OR14A2: variants seen among roughly 807,000 people sequenced by gnomAD.
The protein encoded by OR14A2 is olfactory receptor family 14 subfamily A member 2.
For synonymous variants in OR14A2, 114 were observed against 58.6 expected, an observed-to-expected ratio of 1.95 and a Z score of -4.32; for missense variants, 237 against 152.9, an observed-to-expected ratio of 1.55 and a Z score of -2.90.
chr1:247,743,034 G>A, the OR14A2 span, among the ~76,000 whole-genome samples: 1 of 152,182 alleles, frequency 6.6e-6, no homozygotes, highest in East Asian at 1.9e-4. Context: ...AAAATTGATA[G>A]TCGATTCATT....
the OR14A2 span, among the ~76,000 whole-genome samples, chr1:247,743,990 C>T: frequency 0.07 from 10,664 of 151,966 alleles, 419 homozygotes; most frequent in African/African-American, 0.11. Flanking sequence ...TTTTTGCACC[C>T]GGGGTAAAGT....
chr1:247,733,260 G>A, the OR14A2 span, among the ~76,000 whole-genome samples: 1 of 148,228 alleles, frequency 6.7e-6, no homozygotes, highest in Non-Finnish European at 1.5e-5. Flanking sequence ...GACTAAAGAC[G>A]AAAAGTGAAT....
the OR14A2 span, among the ~76,000 whole-genome samples, chr1:247,742,424 T>G: frequency 6.6e-6 from 1 of 150,576 alleles, no homozygotes; most frequent in African/African-American, 2.5e-5. Context: ...GAATGTAATC[T>G]GACATCACAA....
the OR14A2 span, among the ~76,000 whole-genome samples, chr1:247,741,013 A>G: frequency 6.6e-6 from 1 of 152,198 alleles, no homozygotes; most frequent in Non-Finnish European, 1.5e-5. Flanking sequence ...AACTTGGTCC[A>G]TATTAGCTTC....
the OR14A2 span, chr1:247,739,407 C>A: frequency 1.3e-6 from 1 of 780,770 alleles, no homozygotes; most frequent in Non-Finnish European, 2.4e-6. Flanking sequence ...GTCTGATGCA[C>A]CTTCTATTCT....
upstream of OR14A2, among the ~76,000 whole-genome samples, chr1:247,724,572 CTCTAT>C (rs1660287965): frequency 6.6e-6 from 1 of 152,098 alleles, no homozygotes; most frequent in Non-Finnish European, 1.5e-5. Flanking sequence ...AAATAACCTT[CTCTAT>C]TCTAATGATA....
exon 1 of OR14A2, chr1:247,723,963 C>T: frequency 1.4e-6 from 1 of 716,394 alleles, no homozygotes; most frequent in Non-Finnish European, 2.6e-6. Context: ...GTAGGAAGAG[C>T]ACACCATATA....
chr1:247,738,860 C>T, the OR14A2 span: 1 of 780,822 alleles, frequency 1.3e-6, no homozygotes, highest in Non-Finnish European at 2.4e-6. Context: ...CCATCCTCAA[C>T]TCTGTCGCCT....
At chr1:247,739,269 A>C in the OR14A2 span, 3 of 780,642 alleles carry the variant, frequency 3.8e-6, no homozygotes, top group Non-Finnish European at 7.2e-6. Flanking sequence ...CTATGTGTAC[A>C]TTTTCTCTGC....
At chr1:247,747,042 C>G in the OR14A2 span, 2 of 152,182 alleles carry the variant, frequency 1.3e-5, no homozygotes, top group African/African-American at 4.8e-5. Context: ...TACCAAAATA[C>G]AAGCTTTAAT....
upstream of OR14A2, among the ~76,000 whole-genome samples, chr1:247,724,523 A>C (rs948552587): frequency 7.9e-5 from 12 of 152,150 alleles, no homozygotes; most frequent in African/African-American, 2.7e-4. Flanking sequence ...GTAAACATGA[A>C]GTCACACTTA....
upstream of OR14A2, among the ~76,000 whole-genome samples, chr1:247,727,020 T>C (rs1420204144): frequency 6.6e-6 from 1 of 150,678 alleles, no homozygotes; most frequent in Non-Finnish European, 1.5e-5. Flanking sequence ...ATGCGGGCTC[T>C]TTTTTGGTGC....
the OR14A2 span, among the ~76,000 whole-genome samples, chr1:247,747,247 G>A: frequency 6.6e-6 from 1 of 152,092 alleles, no homozygotes; most frequent in Non-Finnish European, 1.5e-5. Context: ...CCAAGCCTAG[G>A]CATCAAAGCC....
upstream of OR14A2, among the ~76,000 whole-genome samples, chr1:247,727,547 G>A (rs2103204976): frequency 6.6e-6 from 1 of 151,552 alleles, no homozygotes; most frequent in East Asian, 1.9e-4. Context: ...TCAAAAGCTA[G>A]CAGAAGGTAA....
chr1:247,725,478 T>G (rs1346048324), upstream of OR14A2, among the ~76,000 whole-genome samples: 1 of 151,256 alleles, frequency 6.6e-6, no homozygotes, highest in African/African-American at 2.4e-5. Context: ...CCTTAATATC[T>G]ACAAGATTTT....
At chr1:247,742,653 A>T in the OR14A2 span, among the ~76,000 whole-genome samples, 6 of 152,244 alleles carry the variant, frequency 3.9e-5, no homozygotes, top group Non-Finnish European at 8.8e-5. Flanking sequence ...ATGACAGAGG[A>T]TAATCAATCA....
At chr1:247,724,376 A>G (rs1343324892), upstream of OR14A2, among the ~76,000 whole-genome samples, 1 of 152,178 alleles carries the variant, frequency 6.6e-6, no homozygotes, top group African/African-American at 2.4e-5. Flanking sequence ...GAGAATTTGC[A>G]TCAAATTATT....
At chr1:247,734,733 A>G in the OR14A2 span, among the ~76,000 whole-genome samples, 1 of 152,166 alleles carries the variant, frequency 6.6e-6, no homozygotes, top group African/African-American at 2.4e-5. Flanking sequence ...TGGATGTCAT[A>G]TGTCTCTTAC....
At chr1:247,744,539 G>A in the OR14A2 span, among the ~76,000 whole-genome samples, 2 of 152,092 alleles carry the variant, frequency 1.3e-5, no homozygotes, top group Non-Finnish European at 2.9e-5. The surrounding 1 kb of genome is among the most constrained non-coding windows in gnomAD (Gnocchi z 4.3). Flanking sequence ...TTCTATTTGT[G>A]GGGGTTAAGA....
Sources: allele counts gnomAD v4.1 joint callset (sites outside exome capture counted in the v4.1 genomes callset), GRCh38; gene constraint gnomAD v4.1.1; non-coding constraint Gnocchi (gnomAD v3.1); transcripts MANE v1.5; gene names NCBI Gene and HGNC (gene_info 2026-07-23, HGNC 2026-07-21).